The following UTRN variants were observed in gnomAD, a reference collection of about 807,000 sequenced individuals.
The protein encoded by UTRN is utrophin, also known as dystrophin-related protein 1.
A neutral mutation model predicts 463.9 loss-of-function variants in UTRN; 283 were observed. The ratio of observed to expected loss-of-function variants is 0.61; its 90% confidence interval spans 0.55 to 0.67. The LOEUF is 0.67. UTRN is among the 30% of genes least tolerant of loss of function. The pLI is 0.00. For missense variants in UTRN, 3,922 were observed against 4,084.3 expected, an observed-to-expected ratio of 0.96 and a Z score of 1.08; for synonymous variants, 1,442 against 1,431.5, an observed-to-expected ratio of 1.01 and a Z score of -0.17.
At chr6:144,787,585 T>C (rs910121825) in intron 61 of UTRN, among the ~76,000 whole-genome samples, 7 of 152,202 alleles carry the variant, frequency 4.6e-5, no homozygotes, top group African/African-American at 1.7e-4. Context: ...TTGCATACTT[T>C]ATATGTCATA....
At chr6:144,630,765 C>T (rs900344570) in intron 51 of UTRN, among the ~76,000 whole-genome samples, 1 of 152,100 alleles carries the variant, frequency 6.6e-6, no homozygotes, top group South Asian at 2.1e-4. Context: ...TATGTTTCCT[C>T]GGTTTGTAGT....
chr6:144,395,490 G>C (rs117683516), intron 2 of UTRN, among the ~76,000 whole-genome samples: 5,096 of 149,814 alleles, frequency 0.034, 127 homozygotes, highest in Middle Eastern at 0.052. Flanking sequence ...CATTCTTTCA[G>C]TTTAAGTTTA....
chr6:144,520,721 C>A (rs1796010433), intron 39 of UTRN, among the ~76,000 whole-genome samples: 1 of 152,128 alleles, frequency 6.6e-6, no homozygotes, highest in African/African-American at 2.4e-5. Context: ...TGGATTGTAA[C>A]CATTTTCAAG....
At position 144,820,955 on chromosome 6, in the gene UTRN, C is replaced by T. The variant is rs1169070772; in HGVS notation, c.9431C>T (p.Ala3144Val). 3.7e-6 allele frequency: 6 copies of T among 1,613,898 alleles called. No individual in the cohort carries two copies. Among genetic ancestry groups the T allele is most frequent in the Non-Finnish European group, 4.2e-6 (5 of 1,179,864 alleles). Residue 3144 changes from alanine to valine, a missense_variant, in exon 66 of 75, where the codon GCC (alanine) becomes GTC (valine). By Grantham distance (64) the Ala-to-Val change is moderately conservative. This residue lies in a region of UTRN where 1,309 missense variants were observed against 1,452.6 expected (regional missense o/e 0.90). Coordinates refer to ENST00000367545, the MANE Select transcript of UTRN (RefSeq NM_007124.3). ...AAGTTCAGGTCGAAGAAGTACTTTG[C>T]CAAACACCCTCGACTTGGTTACCTG... ...KNKFRSKKYF[A>V]KHPRLGYLPV... is the part of the protein sequence containing the mutation.
chr6:144,513,214 A>G (rs985402108), intron 35 of UTRN, among the ~76,000 whole-genome samples: 2 of 152,194 alleles, frequency 1.3e-5, no homozygotes, highest in Non-Finnish European at 2.9e-5. Context: ...ATCTTTTTCA[A>G]TTCATATTTT....
At chr6:144,809,171 C>T (rs17074240) in intron 65 of UTRN, among the ~76,000 whole-genome samples, 8,947 of 152,074 alleles carry the variant, frequency 0.059, 866 homozygotes, top group African/African-American at 0.2. Context: ...AAAGTTCATA[C>T]AATTGCTGAC....
At chr6:144,834,650 T>C (rs1183122736) in intron 69 of UTRN, among the ~76,000 whole-genome samples, 1 of 152,168 alleles carries the variant, frequency 6.6e-6, no homozygotes, top group East Asian at 1.9e-4. Context: ...AGGGCACAGG[T>C]AATCTCAAGG....
intron 53 of UTRN, among the ~76,000 whole-genome samples, chr6:144,722,549 G>C (rs1293958112): frequency 6.6e-6 from 1 of 151,912 alleles, no homozygotes; most frequent in Non-Finnish European, 1.5e-5. Flanking sequence ...ATCTGTTCTG[G>C]CTTCATGACA....
chr6:144,388,000 A>G (rs576656935), intron 2 of UTRN, among the ~76,000 whole-genome samples: 14 of 152,340 alleles, frequency 9.2e-5, no homozygotes, highest in Non-Finnish European at 1.8e-4. Flanking sequence ...TCCTCATTAA[A>G]GTGGAGAAAA....
chr6:144,678,273 A>G, intron 51 of UTRN, 133 bp from the exon 52 acceptor site: 1 of 838,262 alleles, frequency 1.2e-6, no homozygotes, highest in East Asian at 2.7e-5. Flanking sequence ...GAATAATAAG[A>G]ATTTTGGAAG....
intron 43 of UTRN, among the ~76,000 whole-genome samples, chr6:144,536,005 C>T (rs761505100): frequency 6.6e-6 from 1 of 152,134 alleles, no homozygotes; most frequent in Non-Finnish European, 1.5e-5. Flanking sequence ...GTCTCGAACT[C>T]CTAGGCTCAA....
Position 144,700,215 on chromosome 6 carries a change from C to T in UTRN, c.7781C>T (p.Ala2594Val), listed in dbSNP as rs746848219. Reference protein sequence around the residue: ...KQMPIGGDVPALQLQYDHCKA... With the variant: ...KQMPIGGDVPVLQLQYDHCKA... ...ATGCCTATTGGAGGAGATGTTCCAGCCTTACAGCTCCAGTATGACCATTGT... is the reference window on the plus strand; with the variant it reads ...ATGCCTATTGGAGGAGATGTTCCAGTCTTACAGCTCCAGTATGACCATTGT... The change falls in exon 53 of 75, where the codon GCC (alanine) becomes GTC (valine). Residue 2594 changes from alanine to valine, a missense_variant. Around this residue, in one of 3 missense-constraint regions of UTRN, gnomAD observed 1,309 missense variants for 1,452.6 expected, o/e 0.90. Transcript: ENST00000367545. 2.5e-5 allele frequency: 41 copies of T among 1,613,038 alleles called. No homozygotes were observed. Among genetic ancestry groups the T allele is most frequent in the Non-Finnish European group, 3.3e-5 (39 of 1,179,392 alleles).
intron 3 of UTRN, among the ~76,000 whole-genome samples, chr6:144,405,790 A>G (rs1783342224): frequency 6.6e-6 from 1 of 152,190 alleles, no homozygotes; most frequent in African/African-American, 2.4e-5. Flanking sequence ...TCCAATACCT[A>G]CATATATTCA....
chr6:144,669,392 A>G (rs1013500838), intron 51 of UTRN, among the ~76,000 whole-genome samples: 1 of 152,176 alleles, frequency 6.6e-6, no homozygotes, highest in African/African-American at 2.4e-5. Context: ...ACACAAATGC[A>G]TATGCCAATT....
intron 7 of UTRN, among the ~76,000 whole-genome samples, chr6:144,427,368 TA>T (rs1456067269): frequency 8.5e-5 from 13 of 152,336 alleles, no homozygotes; most frequent in African/African-American, 3.1e-4. Flanking sequence ...TGCTGGTATA[TA>T]AAAGTGCAAT....
intron 43 of UTRN, among the ~76,000 whole-genome samples, chr6:144,536,706 A>G (rs943720969): frequency 2.0e-5 from 3 of 152,082 alleles, no homozygotes; most frequent in African/African-American, 7.2e-5. Context: ...AATTGCATTC[A>G]GTTTTTAAAC....
At chr6:144,828,558 A>C (rs1428396355) in intron 68 of UTRN, among the ~76,000 whole-genome samples, 1 of 152,206 alleles carries the variant, frequency 6.6e-6, no homozygotes, top group Non-Finnish European at 1.5e-5. Context: ...AGATTAGGTC[A>C]GTTAGGAGAC....
chr6:144,491,647 A>G (rs1400024134), intron 32 of UTRN, among the ~76,000 whole-genome samples: 2 of 152,236 alleles, frequency 1.3e-5, no homozygotes, highest in Non-Finnish European at 2.9e-5. Flanking sequence ...TCTTAGAATT[A>G]GTGTTCTGCT....
intron 2 of UTRN, among the ~76,000 whole-genome samples, chr6:144,305,472 T>C (rs958481885): frequency 1.3e-5 from 2 of 152,224 alleles, no homozygotes; most frequent in African/African-American, 4.8e-5. Flanking sequence ...CTTAAATTAA[T>C]ATGAAATAAT....
Sources: gnomAD v4.1 joint callset for allele counts (sites outside exome capture counted in the v4.1 genomes callset) on GRCh38, gnomAD v4.1.1 for gene constraint, gnomAD v4.1.1 regional missense constraint, MANE v1.5 for transcripts, NCBI Gene and HGNC (gene_info 2026-07-23, HGNC 2026-07-21) for gene names.